WIPI1: variants seen among roughly 807,000 people sequenced by gnomAD.
WIPI1 encodes the protein WD repeat domain phosphoinositide-interacting protein 1.
A neutral mutation model predicts 55.3 loss-of-function variants in WIPI1; 45 were observed. The ratio of observed to expected loss-of-function variants is 0.81; its 90% confidence interval spans 0.64 to 1.04. The LOEUF (loss-of-function observed/expected upper bound fraction) is 1.04, where lower values mean the gene tolerates loss of function less well. Ranked by LOEUF, WIPI1 falls within the 50% of genes least tolerant of loss-of-function variation. The pLI, the probability that WIPI1 is intolerant of heterozygous loss-of-function variation, is 0.00. For missense variants in WIPI1, 445 were observed against 559.0 expected (o/e 0.80, Z 2.06); for synonymous variants, 195 against 217.6 (o/e 0.90, Z 0.92).
intron 11 of WIPI1, among the ~76,000 whole-genome samples, chr17:68,426,892 A>G (rs1423963778): frequency 6.6e-6 from 1 of 152,224 alleles, no homozygotes; most frequent in Non-Finnish European, 1.5e-5. Flanking sequence ...AAAAGACCGT[A>G]TCGTGTGATG....
intron 8 of WIPI1, among the ~76,000 whole-genome samples, chr17:68,431,685 A>T (rs2083518550): frequency 8.7e-5 from 1 of 11,488 alleles, no homozygotes; most frequent in Non-Finnish European, 1.9e-4. Context: ...TGCTAAAGAC[A>T]CGTTCAAGGG....
chr17:68,456,202 C>T (rs1263413798), intron 1 of WIPI1, among the ~76,000 whole-genome samples: 1 of 152,138 alleles, frequency 6.6e-6, no homozygotes, highest in African/African-American at 2.4e-5. Flanking sequence ...TAGAGCTACT[C>T]GATTACATGA....
chr17:68,427,926 G>A (rs2083306497), intron 10 of WIPI1, among the ~76,000 whole-genome samples: 1 of 151,984 alleles, frequency 6.6e-6, no homozygotes, highest in South Asian at 2.1e-4. Context: ...GTCTCACTCT[G>A]TTGCCCAGGC....
At chr17:68,431,930 C>T (rs546521365) in intron 8 of WIPI1, among the ~76,000 whole-genome samples, 1 of 152,262 alleles carries the variant, frequency 6.6e-6, no homozygotes, top group Admixed American at 6.5e-5. Flanking sequence ...CTCGTGGAAC[C>T]TTGGGGTTGA....
At chr17:68,428,691 C>A in intron 10 of WIPI1, 138 bp downstream of exon 10, 2 of 653,964 alleles carry the variant, frequency 3.1e-6, no homozygotes, top group Non-Finnish European at 5.4e-6. Context: ...GAGCACTTGC[C>A]CACTAGAGGT....
In WIPI1 at chr17:68,447,984, C is replaced by CA. The variant is rs5821653; in HGVS notation, c.333+2743dup. On this transcript the variant is annotated intron_variant, in intron 3 of 12. Coordinates refer to ENST00000262139, the MANE Select transcript of WIPI1 (RefSeq NM_017983.7). ...TGGGCAACAGAGTGAGACTCTATCT[C>CA]AAAAAAAAAAAAAAAAAAAAAAGAT... Among the ~76,000 whole-genome samples, 523 of 80,148 alleles carry CA rather than the reference C, an allele frequency of 6.5e-3. 6 individuals carry two copies. The highest frequency in any genetic ancestry group is 0.013 in the South Asian group (29 of 2,270). 52.6% of individuals were successfully genotyped at this position (80,148 alleles called of 152,430 possible). A position where few individuals can be genotyped will look rare whatever the true frequency, so the allele number is the denominator to read the frequency against.
intron 4 of WIPI1, among the ~76,000 whole-genome samples, chr17:68,437,500 G>A (rs1023516428): frequency 6.6e-6 from 1 of 151,956 alleles, no homozygotes; most frequent in Non-Finnish European, 1.5e-5. Context: ...GCTGCAGTGA[G>A]TGAAGATAGT....
At chr17:68,439,811 G>C (rs1217685339) in intron 4 of WIPI1, among the ~76,000 whole-genome samples, 1 of 152,164 alleles carries the variant, frequency 6.6e-6, no homozygotes, top group Admixed American at 6.5e-5. Flanking sequence ...AGGCTACCGT[G>C]ATATAGAGGT....
chr17:68,447,912 G>C (rs2084345857), intron 3 of WIPI1, among the ~76,000 whole-genome samples: 1 of 145,140 alleles, frequency 6.9e-6, no homozygotes, highest in African/African-American at 2.5e-5. Flanking sequence ...AGAATTGCTT[G>C]AACACGGGAG....
At chr17:68,456,682 A>C (rs1015240947) in intron 1 of WIPI1, among the ~76,000 whole-genome samples, 3 of 152,056 alleles carry the variant, frequency 2.0e-5, no homozygotes, top group Non-Finnish European at 4.4e-5. Context: ...CCGGGAAAAG[A>C]GTCTTGGACT....
intron 12 of WIPI1, chr17:68,424,306 C>A: frequency 2.4e-6 from 1 of 419,382 alleles, no homozygotes; most frequent in Non-Finnish European, 4.8e-6. Context: ...ACCCGCAGAG[C>A]CGATGTGGGA....
intron 4 of WIPI1, among the ~76,000 whole-genome samples, chr17:68,442,389 C>T (rs1368701710): frequency 1.3e-5 from 2 of 149,576 alleles, no homozygotes; most frequent in African/African-American, 4.9e-5. Flanking sequence ...CACTTGAATC[C>T]GGGAGGCGAA....
intron 12 of WIPI1, chr17:68,424,687 C>G: frequency 8.7e-6 from 3 of 343,270 alleles, no homozygotes; most frequent in Non-Finnish European, 1.7e-5. Flanking sequence ...ACCAGCGTGA[C>G]CAACATGGTG....
intron 1 of WIPI1, among the ~76,000 whole-genome samples, chr17:68,453,766 C>G (rs892588420): frequency 6.6e-6 from 1 of 152,094 alleles, no homozygotes; most frequent in African/African-American, 2.4e-5. Flanking sequence ...GCCACCATGC[C>G]TGGTCTAAGA....
chr17:68,433,166 C>CTGT (rs752461661), intron 8 of WIPI1, among the ~76,000 whole-genome samples: 14 of 152,262 alleles, frequency 9.2e-5, no homozygotes, highest in Non-Finnish European at 2.1e-4. Flanking sequence ...TTTAATACTA[C>CTGT]TGTTATGTTC....
rs897450246 is a variant in WIPI1, at chr17:68,457,232, C to T, written c.80+110G>A. ...TGCGTCCGAAGCAGACACCGGCCCT[C>T]CCGCCGAGGCCGCCTCGAGGCGGAA... On this transcript the variant is annotated intron_variant, in intron 1 of 12. Transcript: ENST00000262139. 2.2e-4 allele frequency: 295 copies of T among 1,345,184 alleles called. 1 individual carries two copies. The highest frequency in any genetic ancestry group is 2.9e-4 in the Non-Finnish European group (290 of 984,136). 83.3% of individuals were successfully genotyped at this position (1,345,184 alleles called of 1,614,324 possible). A position where few individuals can be genotyped will look rare whatever the true frequency, so the allele number is the denominator to read the frequency against.
chr17:68,435,621 T>A lies in WIPI1; in HGVS notation c.620A>T (p.Lys207Ile). ...SGSKLASASE[K>I]GTVIRVFSVP... ...AGGTGTTGGTGGGAGTGGACTCACT[T>A]TTTCAGACGCACTTGCTAGTTTGGA... The change falls in exon 6 of 13, where the codon AAA becomes ATA. Residue 207 changes from lysine to isoleucine, a missense_variant and splice_region_variant. Transcript: ENST00000262139. 6.2e-7 allele frequency: 1 copy of A among 1,614,032 alleles called. No homozygotes were observed. The highest frequency in any genetic ancestry group is 8.5e-7 in the Non-Finnish European group (1 of 1,179,982).
intron 12 of WIPI1, chr17:68,425,800 G>A (rs952310498): frequency 7.5e-5 from 27 of 360,046 alleles, no homozygotes; most frequent in Non-Finnish European, 1.1e-4. Flanking sequence ...GTAAGGGATC[G>A]CAGGCCTCTG....
intron 12 of WIPI1, chr17:68,422,047 G>T (rs1435852278): frequency 6.9e-6 from 4 of 579,138 alleles, no homozygotes; most frequent in Non-Finnish European, 1.2e-5. Flanking sequence ...ATGTCTCTGT[G>T]TGTGTGTGTA....
Sources: gnomAD v4.1 joint callset for allele counts (sites outside exome capture counted in the v4.1 genomes callset) on GRCh38, gnomAD v4.1.1 for gene constraint, MANE v1.5 for transcripts, NCBI Gene and HGNC (gene_info 2026-07-23, HGNC 2026-07-21) for gene names.